DGKB: variants seen among roughly 807,000 people sequenced by gnomAD.
The protein encoded by DGKB is 90 kDa diacylglycerol kinase.
A neutral mutation model predicts 114.3 loss-of-function variants in DGKB; 67 were observed. That is an observed-to-expected ratio of 0.59 (90% CI 0.48 to 0.72). The LOEUF (loss-of-function observed/expected upper bound fraction) is 0.72, where lower values mean the gene tolerates loss of function less well. Ranked by LOEUF, DGKB falls within the 30% of genes least tolerant of loss-of-function variation. DGKB has a pLI of 0.00. For missense variants in DGKB, 907 were observed against 975.2 expected, an observed-to-expected ratio of 0.93 and a Z score of 0.93; for synonymous variants, 398 against 323.1, an observed-to-expected ratio of 1.23 and a Z score of -2.49.
At chr7:14,848,476 A>G (rs1277120895) in intron 1 of DGKB, among the ~76,000 whole-genome samples, 1 of 152,234 alleles carries the variant, frequency 6.6e-6, no homozygotes, top group East Asian at 1.9e-4. Flanking sequence ...TTTTGAGTTA[A>G]GCTTAGAGCT....
chr7:14,735,335 T>C (rs1464022188), intron 5 of DGKB, among the ~76,000 whole-genome samples: 1 of 152,206 alleles, frequency 6.6e-6, no homozygotes, highest in African/African-American at 2.4e-5. Context: ...CCTCAGGGCT[T>C]CTAGGTGGTG....
At chr7:14,437,739 C>A (rs1829491826) in intron 21 of DGKB, among the ~76,000 whole-genome samples, 3 of 150,452 alleles carry the variant, frequency 2.0e-5, no homozygotes. Flanking sequence ...AATTTTTAAA[C>A]ATTAATTCCC....
intron 20 of DGKB, among the ~76,000 whole-genome samples, chr7:14,523,269 C>T (rs1418984351): frequency 6.6e-6 from 1 of 152,156 alleles, no homozygotes; most frequent in Admixed American, 6.6e-5. Flanking sequence ...GACACCATCT[C>T]CTTTGAAGAA....
chr7:14,357,083 G>A lies in DGKB; in HGVS notation c.1836-11692C>T, dbSNP rs142805541. Among the ~76,000 whole-genome samples, 90 of 152,292 alleles carry A rather than the reference G, an allele frequency of 5.9e-4. 1 individual carries two copies. The highest frequency in any genetic ancestry group is 6.8e-3 in the Middle Eastern group (2 of 294). On this transcript the variant is annotated intron_variant, in intron 21 of 25. Transcript: ENST00000402815. ...AGAATGTATATTCTGTTGATTTGGG[G>A]TGCAGAGTTCTGTGGATGTCTATTA...
chr7:14,591,118 C>A (rs958954383), intron 17 of DGKB, among the ~76,000 whole-genome samples: 1 of 152,070 alleles, frequency 6.6e-6, no homozygotes, highest in Non-Finnish European at 1.5e-5. Flanking sequence ...CTGCATGGCA[C>A]TGACTTTTCA....
chr7:14,498,112 T>G (rs1195935472), intron 20 of DGKB, among the ~76,000 whole-genome samples: 1 of 151,880 alleles, frequency 6.6e-6, no homozygotes, highest in Non-Finnish European at 1.5e-5. Flanking sequence ...ATTTTTCACT[T>G]AAAAAGGTAT....
chr7:14,409,231 A>G (rs1824444883), intron 21 of DGKB, among the ~76,000 whole-genome samples: 1 of 152,032 alleles, frequency 6.6e-6, no homozygotes, highest in Non-Finnish European at 1.5e-5. Flanking sequence ...ATCCCGAGGG[A>G]GCAGTTCCTT....
chr7:14,405,707 A>G (rs1823827122), intron 21 of DGKB, among the ~76,000 whole-genome samples: 1 of 152,036 alleles, frequency 6.6e-6, no homozygotes, highest in African/African-American at 2.4e-5. Flanking sequence ...GTTGTGCCTC[A>G]TGAAACAAAA....
chr7:14,716,356 C>A (rs1828185449), intron 6 of DGKB, among the ~76,000 whole-genome samples: 1 of 152,150 alleles, frequency 6.6e-6, no homozygotes, highest in Non-Finnish European at 1.5e-5. Context: ...AGTTTGAGAA[C>A]CTCTAACCTA....
intron 19 of DGKB, among the ~76,000 whole-genome samples, chr7:14,577,474 T>C (rs918208994): frequency 6.6e-6 from 1 of 151,902 alleles, no homozygotes; most frequent in Admixed American, 6.6e-5. Context: ...AAAATTAGCC[T>C]GGCAAGGTGG....
intron 3 of DGKB, among the ~76,000 whole-genome samples, chr7:14,757,070 A>T (rs1382433507): frequency 6.6e-6 from 1 of 152,114 alleles, no homozygotes; most frequent in African/African-American, 2.4e-5. Flanking sequence ...TACTGGTAAA[A>T]GGTAAAATAG....
chr7:14,923,983 C>CAAAAAAAAAAAAAAAAAA (rs56032330), intron 1 of DGKB, among the ~76,000 whole-genome samples: 32 of 76,126 alleles, frequency 4.2e-4, no homozygotes, highest in Middle Eastern at 6.7e-3. Context: ...AGCTCCATCT[C>CAAAAAAAAAAAAAAAAAA]AAAAAAAAAA....
At chr7:14,415,323 GGTTT>G (rs1825535587) in intron 21 of DGKB, among the ~76,000 whole-genome samples, 2 of 151,936 alleles carry the variant, frequency 1.3e-5, no homozygotes, top group Admixed American at 6.6e-5. Flanking sequence ...ACAACGTGCA[GGTTT>G]GTTACATATG....
intron 21 of DGKB, among the ~76,000 whole-genome samples, chr7:14,425,470 C>T (rs1335502259): frequency 6.6e-6 from 1 of 151,924 alleles, no homozygotes; most frequent in Non-Finnish European, 1.5e-5. Flanking sequence ...CATTTTCATA[C>T]TGAAATCAAA....
chr7:14,306,417 C>T (rs1804480301), intron 23 of DGKB, among the ~76,000 whole-genome samples: 1 of 152,060 alleles, frequency 6.6e-6, no homozygotes, highest in Non-Finnish European at 1.5e-5. Flanking sequence ...CAAGAGCCAG[C>T]TGGGGTTTTA....
rs1825333607 is a variant in DGKB at position 14,414,138 on chromosome 7, A to G, written c.1835+64023T>C. Among the ~76,000 whole-genome samples the G allele has an allele frequency of 1.3e-5, 2 of 152,210 alleles. 1 individual carries two copies. Among genetic ancestry groups the G allele is most frequent in the Admixed American group, 1.3e-4 (2 of 15,268 alleles). Reference sequence around the variant, plus strand: ...TTTCAAAATATATCAATAAAAATATAAAGTAGATGAATTAGAGGGATCTAT... The same window carrying G: ...TTTCAAAATATATCAATAAAAATATGAAGTAGATGAATTAGAGGGATCTAT... On this transcript the variant is annotated intron_variant, in intron 21 of 25. Transcript: ENST00000402815.
intron 1 of DGKB, among the ~76,000 whole-genome samples, chr7:14,919,217 T>A (rs1784403459): frequency 6.6e-6 from 1 of 151,910 alleles, no homozygotes; most frequent in South Asian, 2.1e-4. Context: ...CCAACTTCAA[T>A]ATTTACTATA....
intron 20 of DGKB, among the ~76,000 whole-genome samples, chr7:14,493,524 T>C (rs1050238161): frequency 6.6e-6 from 1 of 152,046 alleles, no homozygotes; most frequent in African/African-American, 2.4e-5. Context: ...TGAAACAAGA[T>C]GATATGAAGC....
chr7:14,393,491 C>A (rs924098787), intron 21 of DGKB, among the ~76,000 whole-genome samples: 6 of 152,044 alleles, frequency 3.9e-5, no homozygotes, highest in Non-Finnish European at 8.8e-5. Context: ...TTTATTCTTT[C>A]TTTTGATGTA....
Sources: allele counts gnomAD v4.1 joint callset (sites outside exome capture counted in the v4.1 genomes callset), GRCh38; gene constraint gnomAD v4.1.1; transcripts MANE v1.5; gene names NCBI Gene and HGNC (gene_info 2026-07-23, HGNC 2026-07-21).